The following PLXDC1 variants were observed in gnomAD, a reference collection of about 807,000 sequenced individuals.
PLXDC1 encodes plexin domain-containing protein 1.
Under a neutral mutation model 61.3 loss-of-function variants are expected in PLXDC1, and 39 were observed. The ratio of observed to expected loss-of-function variants is 0.64; its 90% CI spans 0.49 to 0.83. The LOEUF (loss-of-function observed/expected upper bound fraction) is 0.83, where lower values mean the gene tolerates loss of function less well. Ranked by LOEUF, PLXDC1 falls within the 40% of genes least tolerant of loss-of-function variation. The probability of loss-of-function intolerance (pLI) is 0.00; values close to 1 mark genes in which losing one functional copy is unlikely to be tolerated. For synonymous variants in PLXDC1, 212 were observed against 254.5 expected (o/e 0.83, Z 1.59); for missense variants, 596 against 666.5 (o/e 0.89, Z 1.17).
chr17:39,127,294 T>C (rs1025804801), intron 2 of PLXDC1, among the ~76,000 whole-genome samples: 1 of 152,040 alleles, frequency 6.6e-6, no homozygotes, highest in African/African-American at 2.4e-5. Flanking sequence ...CCAGTTTACA[T>C]AGAACTTAGG....
chr17:39,090,437 A>G (rs542669870), intron 7 of PLXDC1, among the ~76,000 whole-genome samples: 2 of 152,272 alleles, frequency 1.3e-5, no homozygotes, highest in East Asian at 3.9e-4. Context: ...CCGAGTGGAA[A>G]GGGGAAAGCA....
At chr17:39,134,640 GAA>G (rs796521373) in intron 2 of PLXDC1, among the ~76,000 whole-genome samples, 1 of 98,988 alleles carries the variant, frequency 1.0e-5, no homozygotes, top group African/African-American at 6.2e-5. Context: ...AAAAAAAAAA[GAA>G]AAAGAAAAAA....
chr17:39,128,082 TCTC>T (rs1911371082), intron 2 of PLXDC1, among the ~76,000 whole-genome samples: 1 of 122,418 alleles, frequency 8.2e-6, no homozygotes, highest in African/African-American at 3.3e-5. Context: ...TCTCTCTCTC[TCTC>T]TCTCTCTATG....
chr17:39,119,187 A>G (rs1248158310), intron 2 of PLXDC1, among the ~76,000 whole-genome samples: 1 of 152,060 alleles, frequency 6.6e-6, no homozygotes, highest in Non-Finnish European at 1.5e-5. Context: ...TCTCTGTGGG[A>G]CAGCTCAAAT....
At chr17:39,133,213 G>A (rs779168503) in intron 2 of PLXDC1, among the ~76,000 whole-genome samples, 2 of 152,094 alleles carry the variant, frequency 1.3e-5, no homozygotes, top group African/African-American at 4.8e-5. Context: ...GGGCGTTTGC[G>A]GTCTGGCTGC....
intron 2 of PLXDC1, among the ~76,000 whole-genome samples, chr17:39,137,217 A>C (rs1373055313): frequency 6.6e-6 from 1 of 152,210 alleles, no homozygotes; most frequent in Non-Finnish European, 1.5e-5. Flanking sequence ...AGTGAATCAG[A>C]AGCCAGAAGA....
chr17:39,096,852 C>G (rs998885936), intron 7 of PLXDC1: 1 of 456,182 alleles, frequency 2.2e-6, no homozygotes, highest in Non-Finnish European at 4.6e-6. Flanking sequence ...TTCCGGCGGT[C>G]TCCCCAGCCA....
At chr17:39,089,093 G>A (rs1909857492) in intron 7 of PLXDC1, among the ~76,000 whole-genome samples, 1 of 152,136 alleles carries the variant, frequency 6.6e-6, no homozygotes, top group Non-Finnish European at 1.5e-5. Context: ...TTGAGAATGA[G>A]TTACCCCACA....
At chr17:39,091,525 TC>T (rs1271612380) in intron 7 of PLXDC1, among the ~76,000 whole-genome samples, 1 of 152,086 alleles carries the variant, frequency 6.6e-6, no homozygotes, top group East Asian at 1.9e-4. Flanking sequence ...AACTTGCTCC[TC>T]CTCAGGAAAG....
At chr17:39,097,904 A>T (rs1299916816) in intron 7 of PLXDC1, among the ~76,000 whole-genome samples, 2 of 68,500 alleles carry the variant, frequency 2.9e-5, no homozygotes, top group Non-Finnish European at 8.5e-5. Context: ...CCTGTCTATA[A>T]AAAAAAAAAA....
chr17:39,128,104 T>TATATATATATATATATATAC (rs1911384382), intron 2 of PLXDC1, among the ~76,000 whole-genome samples: 2 of 87,242 alleles, frequency 2.3e-5, no homozygotes, highest in Non-Finnish European at 4.6e-5. Context: ...TGTGTATATA[T>TATATATATATATATATATAC]ATATATATAT....
At chr17:39,129,574 G>A (rs887030549) in intron 2 of PLXDC1, among the ~76,000 whole-genome samples, 13 of 151,054 alleles carry the variant, frequency 8.6e-5, no homozygotes, top group East Asian at 5.8e-4. Context: ...CTGAGATTGC[G>A]CCACTACACT....
chr17:39,145,264 A>T (rs538621198), intron 1 of PLXDC1, among the ~76,000 whole-genome samples: 79 of 152,242 alleles, frequency 5.2e-4, no homozygotes, highest in Non-Finnish European at 8.8e-4. Flanking sequence ...GTCCCCCAGC[A>T]TGCAGGGTAC....
At chr17:39,145,185 C>G (rs1026691219) in intron 1 of PLXDC1, among the ~76,000 whole-genome samples, 1 of 152,158 alleles carries the variant, frequency 6.6e-6, no homozygotes, top group Admixed American at 6.5e-5. Context: ...GGCATGTGGG[C>G]TAGGTTCTTG....
intron 7 of PLXDC1, among the ~76,000 whole-genome samples, chr17:39,104,846 T>C (rs1910539750): frequency 6.6e-6 from 1 of 151,924 alleles, no homozygotes; most frequent in African/African-American, 2.4e-5. Context: ...CTCTTCACTG[T>C]ATCTCAACAG....
intron 2 of PLXDC1, among the ~76,000 whole-genome samples, chr17:39,132,483 T>C (rs1597658188): frequency 6.6e-6 from 1 of 152,072 alleles, no homozygotes. Context: ...CACTGTGATG[T>C]GGTGGTAGAT....
At chr17:39,145,579 C>T (rs1567775177) in intron 1 of PLXDC1, among the ~76,000 whole-genome samples, 1 of 152,130 alleles carries the variant, frequency 6.6e-6, no homozygotes, top group East Asian at 1.9e-4. Context: ...TTCCAGCTCA[C>T]CTGTCCCTGG....
At chr17:39,128,161 A>ATG (rs1567769644) in intron 2 of PLXDC1, among the ~76,000 whole-genome samples, 3 of 76,924 alleles carry the variant, frequency 3.9e-5, no homozygotes, top group East Asian at 5.2e-4. Flanking sequence ...GTGTATATAT[A>ATG]TGTATATATA....
chr17:39,114,664 G>A (rs1910910814), intron 2 of PLXDC1, among the ~76,000 whole-genome samples: 1 of 152,192 alleles, frequency 6.6e-6, no homozygotes, highest in Admixed American at 6.5e-5. Context: ...TGTTTTACAG[G>A]TACCACTACA....
Sources: allele counts gnomAD v4.1 joint callset (sites outside exome capture counted in the v4.1 genomes callset), GRCh38; gene constraint gnomAD v4.1.1; transcripts MANE v1.5; gene names NCBI Gene and HGNC (gene_info 2026-07-23, HGNC 2026-07-21).